Variants in DIPK1A observed in about 807,000 individuals in gnomAD.
DIPK1A encodes the protein family with sequence similarity 69 member A.
A neutral mutation model predicts 40.8 loss-of-function variants in DIPK1A; 27 were observed. The ratio of observed to expected loss-of-function variants is 0.66; its 90% confidence interval spans 0.49 to 0.91. The LOEUF (loss-of-function observed/expected upper bound fraction) is 0.91, where lower values mean the gene tolerates loss of function less well. Ranked by LOEUF, DIPK1A falls within the 40% of genes least tolerant of loss-of-function variation. DIPK1A has a pLI of 0.00. For synonymous variants in DIPK1A, 166 were observed against 171.3 expected (o/e 0.97, Z 0.24); for missense variants, 412 against 505.7 (o/e 0.81, Z 1.78).
chr1:92,854,829 T>C (rs1310778848), intron 2 of DIPK1A, among the ~76,000 whole-genome samples: 1 of 152,212 alleles, frequency 6.6e-6, no homozygotes, highest in Non-Finnish European at 1.5e-5. Flanking sequence ...ATCTGCTTGG[T>C]AGCAGATGGC....
intron 1 of DIPK1A, among the ~76,000 whole-genome samples, chr1:92,956,536 T>C (rs1316338524): frequency 1.3e-5 from 2 of 152,210 alleles, no homozygotes; most frequent in Non-Finnish European, 2.9e-5. Context: ...TAGGCTCTAA[T>C]TATCCTTAGA....
At chr1:92,905,561 C>A (rs1398128744) in intron 1 of DIPK1A, among the ~76,000 whole-genome samples, 1 of 152,044 alleles carries the variant, frequency 6.6e-6, no homozygotes, top group African/African-American at 2.4e-5. Flanking sequence ...TATTTTCTCC[C>A]ATTCTGTGGG....
chr1:92,838,443 T>G (rs1446379927), downstream of DIPK1A, among the ~76,000 whole-genome samples: 1 of 152,260 alleles, frequency 6.6e-6, no homozygotes, highest in African/African-American at 2.4e-5. Context: ...CCTATATCTT[T>G]ATGTAGTCAT....
At chr1:92,894,935 C>T (rs1269479560) in intron 1 of DIPK1A, among the ~76,000 whole-genome samples, 1 of 151,936 alleles carries the variant, frequency 6.6e-6, no homozygotes, top group African/African-American at 2.4e-5. Flanking sequence ...ACACATACAC[C>T]CTCCCAAGAC....
At chr1:92,875,729 A>G (rs370368431) in intron 2 of DIPK1A, among the ~76,000 whole-genome samples, 97 of 151,812 alleles carry the variant, frequency 6.4e-4, no homozygotes, top group African/African-American at 1.3e-3. Context: ...AAAAAAAAAA[A>G]AGAGAGAAAG....
intron 1 of DIPK1A, among the ~76,000 whole-genome samples, chr1:92,953,971 AG>A (rs1361494805): frequency 6.6e-6 from 1 of 151,728 alleles, no homozygotes; most frequent in African/African-American, 2.4e-5. Flanking sequence ...ATCACACCTA[AG>A]AAAGATAACT....
At chr1:92,940,920 T>G (rs1022213306) in intron 1 of DIPK1A, among the ~76,000 whole-genome samples, 24 of 152,236 alleles carry the variant, frequency 1.6e-4, no homozygotes, top group Admixed American at 5.9e-4. Flanking sequence ...TATATAGCTT[T>G]GGTAAAATGT....
intron 1 of DIPK1A, among the ~76,000 whole-genome samples, chr1:92,925,010 T>G (rs938998914): frequency 3.9e-5 from 6 of 152,242 alleles, no homozygotes; most frequent in African/African-American, 1.4e-4. Context: ...GGATTTTATT[T>G]AAGCCCCATG....
chr1:92,896,499 T>G (rs1409819123), intron 1 of DIPK1A, among the ~76,000 whole-genome samples: 6 of 151,886 alleles, frequency 4.0e-5, no homozygotes, highest in Non-Finnish European at 5.9e-5. Flanking sequence ...TATACAAAAA[T>G]TAATTCAAGA....
At chr1:92,853,165 G>T (rs1410317553) in intron 2 of DIPK1A, among the ~76,000 whole-genome samples, 1 of 152,076 alleles carries the variant, frequency 6.6e-6, no homozygotes, top group South Asian at 2.1e-4. Flanking sequence ...AGATAAAAAA[G>T]ACAAAGTATA....
At chr1:92,839,156 C>A (rs551301031), downstream of DIPK1A, among the ~76,000 whole-genome samples, 1 of 149,862 alleles carries the variant, frequency 6.7e-6, no homozygotes, top group Admixed American at 6.7e-5. Context: ...GTCAGGAGTT[C>A]GAGACCAGCC....
At chr1:92,899,311 C>T (rs1218969772) in intron 1 of DIPK1A, among the ~76,000 whole-genome samples, 1 of 152,076 alleles carries the variant, frequency 6.6e-6, no homozygotes, top group Non-Finnish European at 1.5e-5. Flanking sequence ...CCTTCTTTGC[C>T]TCTTTGTATA....
chr1:92,927,956 T>C (rs1004908591), intron 1 of DIPK1A, among the ~76,000 whole-genome samples: 7 of 152,226 alleles, frequency 4.6e-5, no homozygotes, highest in Admixed American at 4.6e-4. Context: ...GGGTTTTCAT[T>C]TCCACTGGGT....
At chr1:92,914,510 G>A (rs1266544520) in intron 1 of DIPK1A, among the ~76,000 whole-genome samples, 3 of 151,872 alleles carry the variant, frequency 2.0e-5, no homozygotes, top group Non-Finnish European at 4.4e-5. Flanking sequence ...TGGCTCTCGC[G>A]TGTAATCCCA....
At chr1:92,937,498 G>A (rs1390956923) in intron 1 of DIPK1A, among the ~76,000 whole-genome samples, 1 of 152,074 alleles carries the variant, frequency 6.6e-6, no homozygotes, top group Non-Finnish European at 1.5e-5. Context: ...CAGACTAAAT[G>A]GTGATCCGGA....
At chr1:92,957,418 C>A (rs557102527) in intron 1 of DIPK1A, among the ~76,000 whole-genome samples, 1 of 152,168 alleles carries the variant, frequency 6.6e-6, no homozygotes, top group Non-Finnish European at 1.5e-5. Flanking sequence ...GTGTTATTTC[C>A]CAAGTAATGT....
rs552910196 is a variant in DIPK1A, at chr1:92,893,059, C to G, written c.55-16629G>C. On this transcript the variant is annotated intron_variant, in intron 1 of 4. Transcript: ENST00000370310. ...ACTGAAAGTGACGGGGAGAATGGAACCAAGTTGGAAAACACTCTGCAGGAT... is the reference window on the plus strand; with the variant it reads ...ACTGAAAGTGACGGGGAGAATGGAAGCAAGTTGGAAAACACTCTGCAGGAT... 4.5e-4 allele frequency among the ~76,000 whole-genome samples: 69 copies of G among 152,154 alleles called. 1 individual carries two copies. The highest frequency in any genetic ancestry group is 1.6e-3 in the African/African-American group (67 of 41,440).
In DIPK1A at chr1:92,843,725, T is replaced by A; in HGVS notation, c.945A>T (p.Lys315Asn). ...KYDLKMVDMRKIVPETNLKEL... is the reference protein window; with the variant it reads ...KYDLKMVDMRNIVPETNLKEL... ...CTTTCAGGTTTGTCTCTGGCACAAT[T>A]TTTCTCATATCCACCATTTTCAAAT... The change falls in exon 5 of 5, where the codon AAA (lysine) becomes AAT (asparagine). Residue 315 changes from lysine to asparagine, a missense_variant. Physicochemically the swap from Lys to Asn is moderately conservative, Grantham distance 94. Transcript: ENST00000370310. 1 of 1,551,748 alleles carries A rather than the reference T, an allele frequency of 6.4e-7. No individual in the cohort carries two copies. The highest frequency in any genetic ancestry group is 8.7e-7 in the Non-Finnish European group (1 of 1,146,998).
intron 1 of DIPK1A, among the ~76,000 whole-genome samples, chr1:92,929,732 G>C (rs944649593): frequency 2.0e-5 from 3 of 152,190 alleles, no homozygotes; most frequent in Non-Finnish European, 4.4e-5. Flanking sequence ...AGGTTAGTGT[G>C]AGTAATCTAT....
Sources: allele counts gnomAD v4.1 joint callset (sites outside exome capture counted in the v4.1 genomes callset), GRCh38; gene constraint gnomAD v4.1.1; transcripts MANE v1.5; gene names NCBI Gene and HGNC (gene_info 2026-07-23, HGNC 2026-07-21).